CFAP44: variants seen among roughly 807,000 people sequenced by gnomAD.
CFAP44 encodes cilia- and flagella-associated protein 44.
Under a neutral mutation model 216.2 loss-of-function variants are expected in CFAP44, and 134 were observed. That is an observed-to-expected ratio of 0.62 (90% CI 0.54 to 0.72). The LOEUF (loss-of-function observed/expected upper bound fraction) is 0.72, where lower values mean the gene tolerates loss of function less well. CFAP44 is among the 30% of genes least tolerant of loss of function. The pLI, the probability that CFAP44 is intolerant of heterozygous loss-of-function variation, is 0.00. For synonymous variants in CFAP44, 700 were observed against 727.6 expected (o/e 0.96, Z 0.61); for missense variants, 2,035 against 2,182.1 (o/e 0.93, Z 1.34).
At chr3:113,300,025 T>G (rs1213921765) in intron 32 of CFAP44, among the ~76,000 whole-genome samples, 1 of 152,200 alleles carries the variant, frequency 6.6e-6, no homozygotes, top group East Asian at 1.9e-4. Context: ...AGTGAGACCC[T>G]GTCTCAAAGA....
intron 6 of CFAP44, among the ~76,000 whole-genome samples, chr3:113,414,056 C>T (rs977467490): frequency 5.3e-5 from 8 of 152,234 alleles, no homozygotes; most frequent in Middle Eastern, 3.4e-3. Flanking sequence ...TTGTAGTTCT[C>T]CTTGAAGAGG....
intron 28 of CFAP44, among the ~76,000 whole-genome samples, chr3:113,315,864 G>A (rs1274874017): frequency 6.6e-6 from 1 of 152,180 alleles, no homozygotes; most frequent in African/African-American, 2.4e-5. Flanking sequence ...TGAGCATTCT[G>A]AAGCCAAGCT....
intron 1 of CFAP44, 66 bp from the exon 2 acceptor site, chr3:113,433,735 CTAACA>C (rs1935168319): frequency 2.4e-6 from 3 of 1,246,168 alleles, no homozygotes; most frequent in East Asian, 2.3e-5. Context: ...AGATTTCCCC[CTAACA>C]TATTTCATTA....
chr3:113,396,461 A>G, intron 14 of CFAP44, 57 bp downstream of exon 14: 1 of 1,556,186 alleles, frequency 6.4e-7, no homozygotes, highest in South Asian at 1.2e-5. Context: ...AGGAGGACTT[A>G]TAAGGCAATT....
In CFAP44 at chr3:113,344,515, C is replaced by CCTGCATCTCTCT. The variant is rs1309040710; in HGVS notation, c.3251_3262dup (p.Ala1087_Gly1088insGluArgAspAla). 2 of 1,535,610 alleles carry CCTGCATCTCTCT rather than the reference C, an allele frequency of 1.3e-6. No individual in the cohort carries two copies. The highest frequency in any genetic ancestry group is 1.7e-6 in the Non-Finnish European group (2 of 1,146,356). On this transcript the variant is annotated inframe_insertion and splice_region_variant. Transcript: ENST00000393845. Reference sequence around the variant, plus strand: ...TTAAAAGCCTTCTTGTCATAGGCTACCTGCATCTCTCTGGCTGTCCTTTCT... The same window carrying CCTGCATCTCTCT: ...TTAAAAGCCTTCTTGTCATAGGCTACCTGCATCTCTCTCTGCATCTCTCTGGCTGTCCTTTCT...
In CFAP44 at chr3:113,288,712, G is replaced by A. The variant is rs1393444055; in HGVS notation, c.*2845C>T. 1 of 152,192 alleles carries A rather than the reference G, an allele frequency of 6.6e-6. No homozygotes were observed. The highest frequency in any genetic ancestry group is 1.5e-5 in the Non-Finnish European group (1 of 68,058). The allele number at this position is 152,192 out of a possible 1,614,324, so 9.4% of individuals were successfully genotyped here. Reference sequence around the variant, plus strand: ...AACATCTGCTTTCTGCACAGCACTGGAATCATAGCACTCAATGGATTTAGC... The same window carrying A: ...AACATCTGCTTTCTGCACAGCACTGAAATCATAGCACTCAATGGATTTAGC... On this transcript the variant is annotated 3_prime_UTR_variant, in exon 35 of 35. Transcript: ENST00000393845.
At chr3:113,359,879 C>A (rs1950521634) in intron 21 of CFAP44, among the ~76,000 whole-genome samples, 1 of 151,904 alleles carries the variant, frequency 6.6e-6, no homozygotes, top group Non-Finnish European at 1.5e-5. Context: ...TGTGATTGCC[C>A]CCATAGCTAC....
intron 28 of CFAP44, among the ~76,000 whole-genome samples, chr3:113,322,055 A>C (rs1323989253): frequency 6.6e-6 from 1 of 152,226 alleles, no homozygotes; most frequent in African/African-American, 2.4e-5. Context: ...AAAGGAGCCC[A>C]AATAGCCAAT....
At chr3:113,375,768 C>A (rs1160261874) in intron 17 of CFAP44, among the ~76,000 whole-genome samples, 1 of 152,122 alleles carries the variant, frequency 6.6e-6, no homozygotes, top group Non-Finnish European at 1.5e-5. Flanking sequence ...CTGTAGTGAG[C>A]TGAGACGGCA....
chr3:113,338,042 C>G (rs1950295794), intron 24 of CFAP44, among the ~76,000 whole-genome samples: 3 of 151,772 alleles, frequency 2.0e-5, no homozygotes, highest in Admixed American at 1.3e-4. Context: ...GCAGGTAGAT[C>G]ACTTGAGGTC....
At chr3:113,326,038 C>T (rs566112646) in intron 28 of CFAP44, among the ~76,000 whole-genome samples, 13 of 152,264 alleles carry the variant, frequency 8.5e-5, no homozygotes, top group African/African-American at 3.1e-4. Flanking sequence ...ACATATCTGA[C>T]ACAAGACTAG....
At chr3:113,304,955 G>A in intron 31 of CFAP44, 81 bp downstream of exon 31, 2 of 1,263,076 alleles carry the variant, frequency 1.6e-6, no homozygotes, top group Admixed American at 2.1e-5. Context: ...CCCCATTAGT[G>A]AACTATGAAT....
rs186859045 is a variant in CFAP44, at chr3:113,410,254, C to G, written c.674-932G>C. Reference sequence around the variant, plus strand: ...CATGTTGGTGTGCTTCACCCATTAACTCAACATTTACATTAGGTATATCTC... The same window carrying G: ...CATGTTGGTGTGCTTCACCCATTAAGTCAACATTTACATTAGGTATATCTC... On this transcript the variant is annotated intron_variant, in intron 6 of 34. Coordinates refer to ENST00000393845, the MANE Select transcript of CFAP44 (RefSeq NM_001164496.2). Among the ~76,000 whole-genome samples, 278 of 152,186 alleles carry G rather than the reference C, an allele frequency of 1.8e-3. 5 individuals are homozygous for G. Among genetic ancestry groups the G allele is most frequent in the Non-Finnish European group, 4.7e-4 (32 of 68,014 alleles).
At chr3:113,347,923 T>A (rs562610494) in intron 22 of CFAP44, among the ~76,000 whole-genome samples, 1 of 152,156 alleles carries the variant, frequency 6.6e-6, no homozygotes, top group South Asian at 2.1e-4. Flanking sequence ...AAATCCGATT[T>A]TTCTCGGTCC....
intron 32 of CFAP44, among the ~76,000 whole-genome samples, chr3:113,300,409 T>C (rs1312025548): frequency 6.6e-6 from 1 of 151,846 alleles, no homozygotes; most frequent in East Asian, 1.9e-4. Flanking sequence ...GGTGAGGATA[T>C]CCCATTTACC....
At chr3:113,297,138 C>T (rs2107787443) in intron 32 of CFAP44, among the ~76,000 whole-genome samples, 1 of 152,156 alleles carries the variant, frequency 6.6e-6, no homozygotes, top group East Asian at 1.9e-4. Flanking sequence ...GACTGATCTG[C>T]CCCTCCTCAG....
intron 15 of CFAP44, among the ~76,000 whole-genome samples, chr3:113,387,541 G>A (rs1933681609): frequency 6.6e-6 from 1 of 151,952 alleles, no homozygotes; most frequent in African/African-American, 2.4e-5. Context: ...CAACAGTGAT[G>A]GCCAGGTAGT....
chr3:113,405,560 T>G (rs560875033), intron 8 of CFAP44, among the ~76,000 whole-genome samples: 2 of 152,206 alleles, frequency 1.3e-5, no homozygotes, highest in Non-Finnish European at 2.9e-5. Context: ...TGCCTACCTA[T>G]TAAACTCCTT....
At chr3:113,412,217 C>G (rs1019684317) in intron 6 of CFAP44, among the ~76,000 whole-genome samples, 1 of 152,076 alleles carries the variant, frequency 6.6e-6, no homozygotes, top group Admixed American at 6.6e-5. Context: ...AAGAGGAACT[C>G]AAATTGTCCC....
Sources: gnomAD v4.1 joint callset for allele counts (sites outside exome capture counted in the v4.1 genomes callset) on GRCh38, gnomAD v4.1.1 for gene constraint, MANE v1.5 for transcripts, NCBI Gene and HGNC (gene_info 2026-07-23, HGNC 2026-07-21) for gene names.